PTER: variants seen among roughly 807,000 people sequenced by gnomAD.
PTER encodes the protein phosphotriesterase related, also known as N-acetyltaurine hydrolase.
Under a neutral mutation model 29.6 loss-of-function variants are expected in PTER, and 38 were observed. The ratio of observed to expected loss-of-function variants is 1.28; its 90% CI spans 0.99 to 1.68. PTER has a LOEUF of 1.68. PTER is among the 40% of genes most tolerant of loss of function. The pLI is 0.00. For synonymous variants in PTER, 172 were observed against 154.5 expected (o/e 1.11, Z -0.84); for missense variants, 482 against 427.8 (o/e 1.13, Z -1.12).
chr10:16,472,579 G>T (rs1000274489), intron 1 of PTER, among the ~76,000 whole-genome samples: 2 of 152,108 alleles, frequency 1.3e-5, no homozygotes, highest in Non-Finnish European at 2.9e-5. Context: ...ATATGGAATT[G>T]TGAGTCCATT....
rs1836870511 is a variant in PTER at position 16,513,001 on chromosome 10, G to GA, written c.*1751dup. On this transcript the variant is annotated 3_prime_UTR_variant, in exon 5 of 5. Coordinates refer to ENST00000535784, the MANE Select transcript of PTER (RefSeq NM_001261836.2). ...GTACTGTCAGCTTCACTCCACCTGA[G>GA]AAAAAAGAAAAAAAAATTGATAGCT... 1 of 151,722 alleles carries GA rather than the reference G, an allele frequency of 6.6e-6. No homozygotes were observed. Among genetic ancestry groups the GA allele is most frequent in the Admixed American group, 6.6e-5 (1 of 15,204 alleles). 9.4% of individuals were successfully genotyped at this position (151,722 alleles called of 1,614,324 possible).
chr10:16,484,244 A>G (rs1835592610), intron 1 of PTER, 93 bp from the exon 2 acceptor site: 10 of 760,346 alleles, frequency 1.3e-5, no homozygotes, highest in Non-Finnish European at 2.1e-5. Context: ...TTACATGGGT[A>G]TATGTTCACA....
intron 1 of PTER, among the ~76,000 whole-genome samples, chr10:16,446,220 A>ATTT (rs375758553): frequency 6.9e-6 from 1 of 144,282 alleles, no homozygotes; most frequent in Non-Finnish European, 1.5e-5. Context: ...CACCCCCAAC[A>ATTT]TTTTTTTTTT....
chr10:16,496,938 T>C (rs1191752464), intron 3 of PTER, among the ~76,000 whole-genome samples: 1 of 151,072 alleles, frequency 6.6e-6, no homozygotes, highest in African/African-American at 2.4e-5. Flanking sequence ...TCTGGATTTT[T>C]TTTTTTTTTT....
intron 1 of PTER, among the ~76,000 whole-genome samples, chr10:16,449,666 T>C (rs990001736): frequency 2.0e-5 from 3 of 152,166 alleles, no homozygotes; most frequent in Non-Finnish European, 4.4e-5. Context: ...GTGTTCCCAC[T>C]GTAAGATCTG....
intron 1 of PTER, among the ~76,000 whole-genome samples, chr10:16,481,195 C>T (rs1273800221): frequency 6.6e-6 from 1 of 152,238 alleles, no homozygotes; most frequent in East Asian, 1.9e-4. Flanking sequence ...TCACTAGCTT[C>T]TGTGCCGGTG....
At chr10:16,515,949 A>G (rs919397799), downstream of PTER, among the ~76,000 whole-genome samples, 2 of 152,192 alleles carry the variant, frequency 1.3e-5, no homozygotes, top group Non-Finnish European at 2.9e-5. Flanking sequence ...AATGAGACAG[A>G]AGTCAAGAAT....
At chr10:16,462,817 C>T (rs535136028) in intron 1 of PTER, among the ~76,000 whole-genome samples, 174 of 151,866 alleles carry the variant, frequency 1.1e-3, no homozygotes, top group Non-Finnish European at 1.9e-3. Flanking sequence ...GTGATCCACC[C>T]GCCTCAGCCT....
chr10:16,514,451 G>A (rs1453655797), downstream of PTER: 1 of 1,298,320 alleles, frequency 7.7e-7, no homozygotes, highest in Non-Finnish European at 1.1e-6. Flanking sequence ...GGCATCCCCT[G>A]GGATCCTTGA....
At chr10:16,483,342 GAC>G (rs1213589619) in intron 1 of PTER, among the ~76,000 whole-genome samples, 2 of 152,144 alleles carry the variant, frequency 1.3e-5, no homozygotes, top group Non-Finnish European at 2.9e-5. Context: ...GTGTGCCCTA[GAC>G]AATCAAGCAT....
intron 1 of PTER, among the ~76,000 whole-genome samples, chr10:16,442,950 T>TGACA (rs1221654400): frequency 3.3e-5 from 5 of 152,106 alleles, no homozygotes; most frequent in Non-Finnish European, 7.4e-5. Flanking sequence ...CCAGCCTGGG[T>TGACA]GACAGAGTGA....
intron 1 of PTER, among the ~76,000 whole-genome samples, chr10:16,451,406 G>A (rs538960089): frequency 7.9e-5 from 12 of 152,202 alleles, no homozygotes; most frequent in Non-Finnish European, 1.8e-4. Context: ...CACAAGGTTT[G>A]AGAGTTAAAA....
chr10:16,487,066 T>G (rs1835730168), intron 3 of PTER, among the ~76,000 whole-genome samples: 1 of 152,230 alleles, frequency 6.6e-6, no homozygotes, highest in African/African-American at 2.4e-5. Flanking sequence ...CAAATATAAA[T>G]GTTCACATTT....
At chr10:16,479,866 C>T (rs1835412801) in intron 1 of PTER, among the ~76,000 whole-genome samples, 1 of 151,770 alleles carries the variant, frequency 6.6e-6, no homozygotes, top group Non-Finnish European at 1.5e-5. Flanking sequence ...CCAGGCTCTT[C>T]ACTTCATATT....
At chr10:16,451,743 A>G (rs1320249185) in intron 1 of PTER, among the ~76,000 whole-genome samples, 1 of 152,080 alleles carries the variant, frequency 6.6e-6, no homozygotes, top group Non-Finnish European at 1.5e-5. Context: ...ATAAAATTGG[A>G]CAGTAGTTTT....
chr10:16,514,564 G>A (rs1373297037), downstream of PTER: 1 of 1,613,848 alleles, frequency 6.2e-7, no homozygotes, highest in South Asian at 1.1e-5. Flanking sequence ...AAAACGTGCT[G>A]TATTTGTTGT....
chr10:16,469,542 GA>G (rs1198466823), intron 1 of PTER, among the ~76,000 whole-genome samples: 9 of 152,148 alleles, frequency 5.9e-5, no homozygotes, highest in Non-Finnish European at 1.3e-4. Flanking sequence ...TAAAGTGGTG[GA>G]ATTTACGGGA....
chr10:16,471,097 A>G (rs7084107), intron 1 of PTER, among the ~76,000 whole-genome samples: 3,061 of 152,314 alleles, frequency 0.02, 100 homozygotes, highest in African/African-American at 0.068. Flanking sequence ...CAAAGTCAAA[A>G]TCAGTCGGCG....
At chr10:16,489,451 G>A (rs1158716466) in intron 3 of PTER, among the ~76,000 whole-genome samples, 2 of 151,910 alleles carry the variant, frequency 1.3e-5, no homozygotes, top group African/African-American at 4.8e-5. Context: ...TCATTGATAG[G>A]AGGTTATTTC....
Sources: gnomAD v4.1 joint callset for allele counts (sites outside exome capture counted in the v4.1 genomes callset) on GRCh38, gnomAD v4.1.1 for gene constraint, MANE v1.5 for transcripts, NCBI Gene and HGNC (gene_info 2026-07-23, HGNC 2026-07-21) for gene names.